Variants in KIRREL3 observed in about 807,000 individuals in gnomAD.
KIRREL3 encodes kirre like nephrin family adhesion molecule 3.
Under a neutral mutation model 89.7 loss-of-function variants are expected in KIRREL3, and 36 were observed. The observed-to-expected ratio is 0.40, with a 90% confidence interval of 0.31 to 0.53. The LOEUF is 0.53. Among genes scored for constraint, KIRREL3 ranks in the 20% least tolerant of loss-of-function variants. The pLI is 0.49. For missense variants in KIRREL3, 864 were observed against 1,056.6 expected (o/e 0.82, Z 2.53); for synonymous variants, 445 against 441.4 (o/e 1.01, Z -0.10).
rs1956603168 is a variant in KIRREL3, at chr11:126,463,140, AG to A, written c.742+16del. ...GGGCCTGGCAGGGCTGGGTTGGGGG[AG>A]GGGGTGGGTACTCACGCTGGATGTC... On this transcript the variant is annotated intron_variant, in intron 6 of 16. Coordinates refer to ENST00000525144, the MANE Select transcript of KIRREL3 (RefSeq NM_032531.4). This position sits in a 1 kb window ranked among gnomAD's most constrained non-coding sequence, Gnocchi z 5.9. 2 of 1,328,932 alleles carry A rather than the reference AG, an allele frequency of 1.5e-6. No individual in the cohort carries two copies. Among genetic ancestry groups the A allele is most frequent in the Non-Finnish European group, 2.1e-6 (2 of 961,934 alleles). The allele number at this position is 1,328,932 out of a possible 1,614,324, so 82.3% of individuals were successfully genotyped here.
intron 13 of KIRREL3, among the ~76,000 whole-genome samples, chr11:126,434,097 CTG>C (rs1203978447): frequency 1.3e-5 from 2 of 152,256 alleles, no homozygotes; most frequent in African/African-American, 4.8e-5. Context: ...CCCAGCCTGC[CTG>C]TGTGTGTTTC....
At chr11:126,923,198 CTTCTTCT>C (rs1565423292) in intron 1 of KIRREL3, among the ~76,000 whole-genome samples, 77 of 7,202 alleles carry the variant, frequency 0.011, 16 homozygotes, top group Admixed American at 0.026. Flanking sequence ...TCTTCTTCTT[CTTCTTCT>C]TCTTCTTCTT....
rs998800945 is a variant in KIRREL3 at position 126,790,749 on chromosome 11, T to C, written c.55+209706A>G. ...ATCGCAGACGTGGGAAGAGCCTTGCTGTGCTGGGAGTGACTGGAGCTCGGC... is the reference window on the plus strand; with the variant it reads ...ATCGCAGACGTGGGAAGAGCCTTGCCGTGCTGGGAGTGACTGGAGCTCGGC... On this transcript the variant is annotated intron_variant, in intron 1 of 16. Transcript: ENST00000525144. Among the ~76,000 whole-genome samples, 3 of 152,008 alleles carry C rather than the reference T, an allele frequency of 2.0e-5. No homozygotes were observed. The South Asian group carries it at 6.2e-4, about 32-fold the overall frequency.
chr11:126,543,775 T>C (rs933558859), intron 2 of KIRREL3, among the ~76,000 whole-genome samples: 1 of 152,240 alleles, frequency 6.6e-6, no homozygotes, highest in African/African-American at 2.4e-5. Context: ...GCACCACTTT[T>C]AATCCTAATC....
At chr11:126,466,025 C>A (rs139678025) in intron 5 of KIRREL3, among the ~76,000 whole-genome samples, 2 of 152,300 alleles carry the variant, frequency 1.3e-5, no homozygotes, top group African/African-American at 2.4e-5. Context: ...AAGCTTGACT[C>A]TGCCAGGAGC....
chr11:126,937,703 T>G (rs568039105), intron 1 of KIRREL3, among the ~76,000 whole-genome samples: 6 of 151,928 alleles, frequency 3.9e-5, no homozygotes, highest in East Asian at 1.9e-4. Context: ...ATCAAGACCA[T>G]CCTGGCTAAC....
chr11:126,632,043 C>T (rs1481262390), intron 1 of KIRREL3, among the ~76,000 whole-genome samples: 2 of 152,156 alleles, frequency 1.3e-5, no homozygotes, highest in African/African-American at 2.4e-5. Context: ...TATTTGACAC[C>T]GGGATCACTT....
intron 1 of KIRREL3, among the ~76,000 whole-genome samples, chr11:126,787,513 C>A (rs1319751124): frequency 6.6e-6 from 1 of 152,166 alleles, no homozygotes; most frequent in African/African-American, 2.4e-5. Flanking sequence ...ACTTTTCATG[C>A]AAACTTCTGG....
rs866354261 is a variant in KIRREL3, at chr11:126,521,702, G to A, written c.284-238C>T. ...TGTGTGTGTGTGTGTGTGTGTGTGTGTGTGTGTGTGTGTGTGTGTGTGTGT... is the reference window on the plus strand; with the variant it reads ...TGTGTGTGTGTGTGTGTGTGTGTGTATGTGTGTGTGTGTGTGTGTGTGTGT... On this transcript the variant is annotated intron_variant, in intron 3 of 16. Transcript: ENST00000525144. This position sits in a 1 kb window ranked among gnomAD's most constrained non-coding sequence, Gnocchi z 4.1. Among the ~76,000 whole-genome samples, 1 of 129,370 alleles carries A rather than the reference G, an allele frequency of 7.7e-6. No homozygotes were observed. Among genetic ancestry groups the A allele is most frequent in the African/African-American group, 4.1e-5 (1 of 24,206 alleles). The allele number at this position is 129,370 out of a possible 152,430, so 84.9% of individuals were successfully genotyped here. A position where few individuals can be genotyped will look rare whatever the true frequency, so the allele number is the denominator to read the frequency against.
chr11:126,762,966 T>C (rs1235609851), intron 1 of KIRREL3, among the ~76,000 whole-genome samples: 2 of 152,194 alleles, frequency 1.3e-5, no homozygotes, highest in African/African-American at 4.8e-5. Flanking sequence ...CCTTTGGTTG[T>C]GGCTGACAGC....
At position 126,558,266 on chromosome 11, in the gene KIRREL3, G is replaced by C. The variant is rs1379840950; in HGVS notation, c.133+4569C>G. The stretch of plus-strand genomic sequence containing the variant: ...AGTCCTGTGGCCTGCCAGCTTTTCT[G>C]GTCCCCCAGGAATGGTCTTCTCTGG... On this transcript the variant is annotated intron_variant, in intron 2 of 16. Transcript: ENST00000525144. This position sits in a 1 kb window ranked among gnomAD's most constrained non-coding sequence, Gnocchi z 4.0. 6.6e-6 allele frequency among the ~76,000 whole-genome samples: 1 copy of C among 152,100 alleles called. No individual in the cohort carries two copies. Among genetic ancestry groups the C allele is most frequent in the East Asian group, 1.9e-4 (1 of 5,178 alleles).
intron 1 of KIRREL3, among the ~76,000 whole-genome samples, chr11:126,958,856 C>T (rs2135173268): frequency 6.6e-6 from 1 of 152,226 alleles, no homozygotes; most frequent in African/African-American, 2.4e-5. Flanking sequence ...TTTTATGTGT[C>T]AACTCGACTG....
At position 126,610,514 on chromosome 11, in the gene KIRREL3, T is replaced by G. The variant is rs545883484; in HGVS notation, c.56-47602A>C. On this transcript the variant is annotated intron_variant, in intron 1 of 16. Transcript: ENST00000525144. This position sits in a 1 kb window ranked among gnomAD's most constrained non-coding sequence, Gnocchi z 4.6. ...TAACCTGGCCCAGCCTGCAACCTCATGGGAATGTGGGATAATGAGAGAGAA... is the reference window on the plus strand; with the variant it reads ...TAACCTGGCCCAGCCTGCAACCTCAGGGGAATGTGGGATAATGAGAGAGAA... 1 of 152,212 alleles carries G rather than the reference T, an allele frequency of 6.6e-6. No homozygotes were observed. Among genetic ancestry groups the G allele is most frequent in the Non-Finnish European group, 1.5e-5 (1 of 68,066 alleles). The allele number at this position is 152,212 out of a possible 1,614,324, so 9.4% of individuals were successfully genotyped here.
chr11:126,996,208 C>G lies in KIRREL3; in HGVS notation c.55+4247G>C, dbSNP rs1415653941. 6.6e-6 allele frequency among the ~76,000 whole-genome samples: 1 copy of G among 152,218 alleles called. No homozygotes were observed. Among genetic ancestry groups the G allele is most frequent in the African/African-American group, 2.4e-5 (1 of 41,460 alleles). ...CACACCCTTGGCAGCTGTGTATTGA[C>G]CTTCTGGCACAAAAGAACTGATTCT... On this transcript the variant is annotated intron_variant, in intron 1 of 16. Transcript: ENST00000525144. The surrounding 1 kb of genome is among the most constrained non-coding windows in gnomAD (Gnocchi z 4.7).
Position 126,477,178 on chromosome 11 carries a change from C to T in KIRREL3, c.434-3712G>A, listed in dbSNP as rs556208606. Among the ~76,000 whole-genome samples the T allele has an allele frequency of 1.3e-5, 2 of 152,340 alleles. No individual in the cohort carries two copies. Among genetic ancestry groups the T allele is most frequent in the Admixed American group, 6.5e-5 (1 of 15,310 alleles). On this transcript the variant is annotated intron_variant, in intron 4 of 16. Coordinates refer to ENST00000525144, the MANE Select transcript of KIRREL3 (RefSeq NM_032531.4). This position sits in a 1 kb window ranked among gnomAD's most constrained non-coding sequence, Gnocchi z 4.8. ...CGACACTCCTGCACCCAGCTGGCTCCTGGGGCATTGATTATGAAAGAAACA... is the reference window on the plus strand; with the variant it reads ...CGACACTCCTGCACCCAGCTGGCTCTTGGGGCATTGATTATGAAAGAAACA...
In KIRREL3 at chr11:126,541,255, C is replaced by T. The variant is rs1283013413; in HGVS notation, c.134-14568G>A. The stretch of plus-strand genomic sequence containing the variant: ...GCCCAGAAGGTACCAGTTGATGCTG[C>T]CTCTGCCACCTCTTAGCTGTGTGCC... On this transcript the variant is annotated intron_variant, in intron 2 of 16. Transcript: ENST00000525144. The surrounding 1 kb of genome is among the most constrained non-coding windows in gnomAD (Gnocchi z 4.8). 1.3e-5 allele frequency among the ~76,000 whole-genome samples: 2 copies of T among 152,190 alleles called. No homozygotes were observed. Among genetic ancestry groups the T allele is most frequent in the East Asian group, 3.9e-4 (2 of 5,172 alleles).
In KIRREL3 at chr11:126,645,542, T is replaced by G. The variant is rs1430337465; in HGVS notation, c.56-82630A>C. On this transcript the variant is annotated intron_variant, in intron 1 of 16. Coordinates refer to ENST00000525144, the MANE Select transcript of KIRREL3 (RefSeq NM_032531.4). This position sits in a 1 kb window ranked among gnomAD's most constrained non-coding sequence, Gnocchi z 4.9. ...AGTAATAGCCGGGCATAAATCAGAA[T>G]ATGCACTTGAACTGGGCTACAGTGT... Among the ~76,000 whole-genome samples the G allele has an allele frequency of 1.3e-5, 2 of 152,188 alleles. No homozygotes were observed. Among genetic ancestry groups the G allele is most frequent in the Non-Finnish European group, 2.9e-5 (2 of 68,036 alleles).
At chr11:126,678,806 G>A (rs921592694) in intron 1 of KIRREL3, among the ~76,000 whole-genome samples, 2 of 152,092 alleles carry the variant, frequency 1.3e-5, no homozygotes, top group Non-Finnish European at 2.9e-5. Flanking sequence ...ACAGAGAGAG[G>A]ATATCAGTGG....
At chr11:126,456,674 G>A (rs946698821) in intron 6 of KIRREL3, among the ~76,000 whole-genome samples, 3 of 152,184 alleles carry the variant, frequency 2.0e-5, no homozygotes, top group South Asian at 2.1e-4. Flanking sequence ...GGGGCCTGGT[G>A]TGGACACGAA....
Sources: allele counts gnomAD v4.1 joint callset (sites outside exome capture counted in the v4.1 genomes callset), GRCh38; gene constraint gnomAD v4.1.1; non-coding constraint Gnocchi (gnomAD v3.1); transcripts MANE v1.5; gene names NCBI Gene and HGNC (gene_info 2026-07-23, HGNC 2026-07-21).